ATG5: variants seen among roughly 807,000 people sequenced by gnomAD.
ATG5 encodes the protein autophagy protein 5.
A neutral mutation model predicts 36.5 loss-of-function variants in ATG5; 14 were observed. That is an observed-to-expected ratio of 0.38 (90% confidence interval 0.25 to 0.60). The LOEUF is 0.60. ATG5 is among the 20% of genes least tolerant of loss of function. The pLI, the probability that ATG5 is intolerant of heterozygous loss-of-function variation, is 0.60. For missense variants in ATG5, 195 were observed against 326.7 expected (o/e 0.60, Z 3.11); for synonymous variants, 95 against 101.5 (o/e 0.94, Z 0.38).
At chr6:106,310,831 T>A (rs1770618753) in intron 2 of ATG5, among the ~76,000 whole-genome samples, 2 of 152,234 alleles carry the variant, frequency 1.3e-5, no homozygotes, top group African/African-American at 4.8e-5. Context: ...TTATTTCACT[T>A]AACATATGTC....
rs1776208704 is a variant in ATG5 at position 106,196,731 on chromosome 6, A to C, written c.691+5241T>G. Among the ~76,000 whole-genome samples the C allele has an allele frequency of 2.0e-5, 3 of 151,846 alleles. No individual in the cohort carries two copies. In the South Asian group the frequency reaches 6.3e-4, roughly 32 times the overall value. On this transcript the variant is annotated intron_variant, in intron 7 of 7. Coordinates refer to ENST00000369076, the MANE Select transcript of ATG5 (RefSeq NM_004849.4). Reference sequence around the variant, plus strand: ...GAGTGAGAATCAGTCTCAAAAAAAAAAAAAAGTAGATTGAAAGTTCTACAG... The same window carrying C: ...GAGTGAGAATCAGTCTCAAAAAAAACAAAAAGTAGATTGAAAGTTCTACAG...
At chr6:106,214,354 C>G (rs1313122613) in intron 6 of ATG5, among the ~76,000 whole-genome samples, 1 of 152,070 alleles carries the variant, frequency 6.6e-6, no homozygotes, top group Non-Finnish European at 1.5e-5. Flanking sequence ...ACTTATCAGA[C>G]TACTTTTATC....
intron 6 of ATG5, among the ~76,000 whole-genome samples, chr6:106,205,113 T>C (rs1776582545): frequency 6.6e-6 from 1 of 152,198 alleles, no homozygotes; most frequent in Admixed American, 6.5e-5. Context: ...AGGCTTTTTC[T>C]GACGACTAAT....
chr6:106,274,337 A>T (rs1447844017), intron 5 of ATG5, among the ~76,000 whole-genome samples: 1 of 150,350 alleles, frequency 6.7e-6, no homozygotes, highest in East Asian at 1.9e-4. Flanking sequence ...TAAAATGAAA[A>T]CTCATAAAAA....
At chr6:106,282,527 C>G (rs143002170) in intron 4 of ATG5, among the ~76,000 whole-genome samples, 2 of 152,160 alleles carry the variant, frequency 1.3e-5, no homozygotes, top group Non-Finnish European at 2.9e-5. Flanking sequence ...AGAACACATA[C>G]GATGCATTAT....
intron 5 of ATG5, among the ~76,000 whole-genome samples, chr6:106,258,444 G>A (rs1408935917): frequency 6.6e-6 from 1 of 152,106 alleles, no homozygotes; most frequent in African/African-American, 2.4e-5. Flanking sequence ...GGGAAAAGCT[G>A]TTGGTTCTCA....
intron 6 of ATG5, among the ~76,000 whole-genome samples, chr6:106,215,746 A>C (rs1314487197): frequency 6.6e-6 from 1 of 152,228 alleles, no homozygotes; most frequent in South Asian, 2.1e-4. Flanking sequence ...GCAACCAAAG[A>C]AAAAAACAGA....
intron 3 of ATG5, 125 bp downstream of exon 3, chr6:106,308,239 T>C: frequency 1.3e-6 from 1 of 740,786 alleles, no homozygotes; most frequent in Non-Finnish European, 1.9e-6. Flanking sequence ...AAACTTCACA[T>C]ATTGTATGAG....
chr6:106,318,020 C>T (rs956040237), intron 1 of ATG5, among the ~76,000 whole-genome samples: 3 of 152,128 alleles, frequency 2.0e-5, no homozygotes, highest in Non-Finnish European at 2.9e-5. Flanking sequence ...TAATTTGAGA[C>T]GAAGAGTTCC....
chr6:106,218,991 G>C (rs779684278), intron 6 of ATG5, among the ~76,000 whole-genome samples: 12 of 149,950 alleles, frequency 8.0e-5, no homozygotes, highest in Non-Finnish European at 1.3e-4. Context: ...AAAAGTGGGA[G>C]AAAAATGTAA....
chr6:106,274,409 TTC>T (rs1779567229), intron 5 of ATG5, among the ~76,000 whole-genome samples: 1 of 152,204 alleles, frequency 6.6e-6, no homozygotes, highest in Non-Finnish European at 1.5e-5. Flanking sequence ...CTTTTCTTAT[TTC>T]TCTTTCACAG....
intron 1 of ATG5, among the ~76,000 whole-genome samples, chr6:106,321,526 T>G (rs912277197): frequency 2.0e-5 from 3 of 151,754 alleles, no homozygotes; most frequent in African/African-American, 7.3e-5. Context: ...GCCAAGCTAA[T>G]TTTTTGTATT....
chr6:106,243,443 G>T (rs890006748), intron 6 of ATG5, among the ~76,000 whole-genome samples: 2 of 151,692 alleles, frequency 1.3e-5, no homozygotes, highest in African/African-American at 4.8e-5. Flanking sequence ...TGGGTGGATC[G>T]CTTGAGCCGG....
At chr6:106,276,825 T>C (rs1243580695) in intron 5 of ATG5, among the ~76,000 whole-genome samples, 1 of 152,258 alleles carries the variant, frequency 6.6e-6, no homozygotes, top group African/African-American at 2.4e-5. Flanking sequence ...TAAAATATCA[T>C]TTAATCTTCA....
intron 3 of ATG5, among the ~76,000 whole-genome samples, chr6:106,296,243 T>C (rs982099646): frequency 1.3e-5 from 2 of 152,102 alleles, no homozygotes; most frequent in African/African-American, 4.8e-5. Context: ...ACTTACTCCA[T>C]GTAGTAATTA....
At position 106,232,881 on chromosome 6, in the gene ATG5, A is replaced by T. The variant is rs139075802; in HGVS notation, c.573+15269T>A. 8.5e-3 allele frequency among the ~76,000 whole-genome samples: 1,300 copies of T among 152,062 alleles called. 21 individuals are homozygous for T. Among genetic ancestry groups the T allele is most frequent in the African/African-American group, 0.03 (1,263 of 41,458 alleles). On this transcript the variant is annotated intron_variant, in intron 6 of 7. Transcript: ENST00000369076. ...TTTTTCTGCATCCCTGTACATCCTG[A>T]CTCTCAATTCTTATTTGCCTTTGAA...
At chr6:106,201,580 T>A (rs1321668533) in intron 7 of ATG5, among the ~76,000 whole-genome samples, 3 of 152,150 alleles carry the variant, frequency 2.0e-5, no homozygotes, top group African/African-American at 7.2e-5. Context: ...AAAATACTCA[T>A]CCATTTTTCA....
At chr6:106,249,504 T>C (rs1206937388) in intron 5 of ATG5, among the ~76,000 whole-genome samples, 3 of 152,210 alleles carry the variant, frequency 2.0e-5, no homozygotes, top group Non-Finnish European at 4.4e-5. Context: ...TTGACTGACA[T>C]TTAAGTAGTT....
intron 6 of ATG5, among the ~76,000 whole-genome samples, chr6:106,235,821 A>G (rs1473767047): frequency 1.3e-5 from 2 of 152,142 alleles, no homozygotes; most frequent in Non-Finnish European, 2.9e-5. Context: ...TGCAAAAAAA[A>G]AATAGCTTAA....
Sources: allele counts gnomAD v4.1 joint callset (sites outside exome capture counted in the v4.1 genomes callset), GRCh38; gene constraint gnomAD v4.1.1; transcripts MANE v1.5; gene names NCBI Gene and HGNC (gene_info 2026-07-23, HGNC 2026-07-21).